AIG1: variants seen among roughly 807,000 people sequenced by gnomAD.
AIG1 encodes the protein androgen induced 1.
In AIG1, 23 loss-of-function variants were observed where a neutral mutation model predicts 31.4. The observed-to-expected ratio is 0.73, with a 90% CI of 0.53 to 1.04. AIG1 has a LOEUF of 1.04. AIG1 is among the 50% of genes least tolerant of loss of function. The pLI, the probability that AIG1 is intolerant of heterozygous loss-of-function variation, is 0.00. For missense variants in AIG1, 274 were observed against 295.0 expected, an observed-to-expected ratio of 0.93 and a Z score of 0.52; for synonymous variants, 100 against 110.5, an observed-to-expected ratio of 0.90 and a Z score of 0.60.
chr6:143,091,039 A>G (rs1562365316), intron 1 of AIG1, among the ~76,000 whole-genome samples: 1 of 152,176 alleles, frequency 6.6e-6, no homozygotes, highest in Non-Finnish European at 1.5e-5. Context: ...AGTATCTTCA[A>G]CAGGTGTAGA....
intron 3 of AIG1, among the ~76,000 whole-genome samples, chr6:143,170,903 G>A (rs1787444436): frequency 6.6e-6 from 1 of 151,112 alleles, no homozygotes. Context: ...AGATGAAAAA[G>A]GAAGAAAAAG....
intron 3 of AIG1, among the ~76,000 whole-genome samples, chr6:143,260,047 G>A (rs767311662): frequency 3.3e-4 from 43 of 129,786 alleles, no homozygotes; most frequent in African/African-American, 4.9e-4. Context: ...TTTTTGAGAC[G>A]GAGTCTCACT....
At chr6:143,191,490 G>T (rs1487990617) in intron 3 of AIG1, among the ~76,000 whole-genome samples, 3 of 152,066 alleles carry the variant, frequency 2.0e-5, no homozygotes, top group Admixed American at 1.3e-4. Flanking sequence ...TTGTCAGTGG[G>T]ATTTTAAAGT....
At position 143,302,931 on chromosome 6, in the gene AIG1, A is replaced by T. The variant is rs1382741311; in HGVS notation, c.515+18706A>T. Among the ~76,000 whole-genome samples, 4 of 152,170 alleles carry T rather than the reference A, an allele frequency of 2.6e-5. No homozygotes were observed. In the East Asian group the frequency reaches 7.7e-4, roughly 29 times the overall value. ...TGATTGCCATTCTAACTGGTGTGAA[A>T]TGGTATCTCATTGTGGTTTTGATTT... is the stretch of plus-strand genomic sequence containing the variant. On this transcript the variant is annotated intron_variant, in intron 4 of 5. Transcript: ENST00000357847.
chr6:143,093,953 A>G (rs767270961), intron 1 of AIG1: 2 of 152,224 alleles, frequency 1.3e-5, no homozygotes, highest in African/African-American at 2.4e-5. Context: ...ATAGATCACC[A>G]TAACAGATAT....
chr6:143,230,479 T>A (rs1238035938), intron 3 of AIG1, among the ~76,000 whole-genome samples: 11 of 150,002 alleles, frequency 7.3e-5, no homozygotes, highest in Non-Finnish European at 1.5e-4. Context: ...GATATACTAT[T>A]AAAGTTAACT....
chr6:143,138,918 A>G (rs1266943895), intron 2 of AIG1, among the ~76,000 whole-genome samples: 1 of 151,508 alleles, frequency 6.6e-6, no homozygotes, highest in Non-Finnish European at 1.5e-5. Context: ...AAAAGTAAAC[A>G]TGAGTATAGT....
In AIG1 at chr6:143,150,115, T is replaced by C. The variant is rs183060854; in HGVS notation, c.297+13125T>C. On this transcript the variant is annotated intron_variant, in intron 2 of 5. Coordinates refer to ENST00000357847, the MANE Select transcript of AIG1 (RefSeq NM_016108.4). The stretch of plus-strand genomic sequence containing the variant: ...AGAGTGAATTTTCAGTCAAATCTGC[T>C]TTTCTTTTTAAATTTATAATTGATT... 7.2e-5 allele frequency among the ~76,000 whole-genome samples: 11 copies of C among 152,316 alleles called. No homozygotes were observed. In the East Asian group the frequency reaches 1.4e-3, roughly 19 times the overall value.
At chr6:143,140,848 C>T (rs1308614130) in intron 2 of AIG1, among the ~76,000 whole-genome samples, 2 of 152,150 alleles carry the variant, frequency 1.3e-5, no homozygotes, top group Non-Finnish European at 2.9e-5. Context: ...TCTTAAGCAC[C>T]CTCTCTGTGC....
intron 1 of AIG1, among the ~76,000 whole-genome samples, chr6:143,068,850 T>A (rs1218337447): frequency 6.6e-6 from 1 of 152,142 alleles, no homozygotes; most frequent in African/African-American, 2.4e-5. Flanking sequence ...ATCATATTCT[T>A]TAAAACTTAT....
At chr6:143,311,060 A>G (rs1775229793) in intron 4 of AIG1, among the ~76,000 whole-genome samples, 1 of 151,988 alleles carries the variant, frequency 6.6e-6, no homozygotes, top group Non-Finnish European at 1.5e-5. Context: ...CTTTCAGAAA[A>G]TAGAAGCAGA....
intron 3 of AIG1, chr6:143,187,263 G>T: frequency 2.6e-6 from 2 of 757,678 alleles, no homozygotes; most frequent in East Asian, 5.4e-5. Context: ...ATACCTATTT[G>T]AAAGATCTTG....
At chr6:143,239,582 G>T (rs1794078206) in intron 3 of AIG1, among the ~76,000 whole-genome samples, 1 of 152,158 alleles carries the variant, frequency 6.6e-6, no homozygotes, top group African/African-American at 2.4e-5. Context: ...ACACGATCTT[G>T]TTTCCCTCTC....
intron 1 of AIG1, among the ~76,000 whole-genome samples, chr6:143,106,752 TATC>T (rs1203071158): frequency 1.3e-5 from 2 of 152,164 alleles, no homozygotes; most frequent in African/African-American, 4.8e-5. Context: ...TATAAGGAAA[TATC>T]ATAGACTAGA....
At chr6:143,172,558 T>C (rs184899614) in intron 3 of AIG1, among the ~76,000 whole-genome samples, 9 of 152,296 alleles carry the variant, frequency 5.9e-5, no homozygotes, top group African/African-American at 1.7e-4. Flanking sequence ...CTGGTTTTGG[T>C]ATTAGGGTGA....
chr6:143,201,769 A>T (rs1439521835), intron 3 of AIG1, among the ~76,000 whole-genome samples: 2 of 152,238 alleles, frequency 1.3e-5, no homozygotes, highest in African/African-American at 4.8e-5. Context: ...GGTCTTGAGA[A>T]AATGAAATTA....
chr6:143,074,885 T>C (rs970276187), intron 1 of AIG1, among the ~76,000 whole-genome samples: 2 of 152,216 alleles, frequency 1.3e-5, no homozygotes, highest in African/African-American at 4.8e-5. Flanking sequence ...TCCTCTTAAG[T>C]GTTCTGGAAG....
chr6:143,321,100 G>A (rs565525501), intron 4 of AIG1, among the ~76,000 whole-genome samples: 5 of 151,796 alleles, frequency 3.3e-5, no homozygotes, highest in African/African-American at 9.7e-5. Context: ...GATTACAGGC[G>A]TGAGCCACTG....
At position 143,338,455 on chromosome 6, in the gene AIG1, A is replaced by G. The variant is rs1487839009; in HGVS notation, c.680-1184A>G. 2 of 154,060 alleles carry G rather than the reference A, an allele frequency of 1.3e-5. No individual in the cohort carries two copies. Among genetic ancestry groups the G allele is most frequent in the Non-Finnish European group, 2.9e-5 (2 of 69,398 alleles). The allele number at this position is 154,060 out of a possible 1,614,324, so 9.5% of individuals were successfully genotyped here. ...TGGGGACATTCATTCAGAGCACGTT[A>G]CCCACATTCCACCACCACTACTCTG... On this transcript the variant is annotated intron_variant, in intron 5 of 5. Coordinates refer to ENST00000357847, the MANE Select transcript of AIG1 (RefSeq NM_016108.4). The surrounding 1 kb of genome is among the most constrained non-coding windows in gnomAD (Gnocchi z 4.3).
Sources: gnomAD v4.1 joint callset for allele counts (sites outside exome capture counted in the v4.1 genomes callset) on GRCh38, gnomAD v4.1.1 for gene constraint, Gnocchi (gnomAD v3.1) non-coding constraint, MANE v1.5 for transcripts, NCBI Gene and HGNC (gene_info 2026-07-23, HGNC 2026-07-21) for gene names.